FAM222B: variants seen among roughly 807,000 people sequenced by gnomAD.
FAM222B encodes the protein protein FAM222B.
In FAM222B, 12 loss-of-function variants were observed where a neutral mutation model predicts 38.0. The observed-to-expected ratio is 0.32, with a 90% confidence interval of 0.20 to 0.51. The LOEUF is 0.51. FAM222B is among the 20% of genes least tolerant of loss of function. FAM222B has a pLI of 0.97. For synonymous variants in FAM222B, 329 were observed against 317.2 expected (o/e 1.04, Z -0.40); for missense variants, 716 against 754.2 (o/e 0.95, Z 0.59).
intron 1 of FAM222B, among the ~76,000 whole-genome samples, chr17:28,784,489 C>CT: frequency 2.8e-5 from 1 of 35,960 alleles, no homozygotes; most frequent in Non-Finnish European, 5.4e-5. Flanking sequence ...GATCCCCTCT[C>CT]TTAAAAAAAA....
intron 1 of FAM222B, among the ~76,000 whole-genome samples, chr17:28,812,682 C>CA (rs1226539215): frequency 1.3e-5 from 2 of 152,072 alleles, no homozygotes; most frequent in African/African-American, 4.8e-5. Context: ...GCCCCTACCC[C>CA]AAAGCCAGGA....
intron 2 of FAM222B, among the ~76,000 whole-genome samples, 159 bp downstream of exon 2, chr17:28,766,427 A>C (rs1368560532): frequency 6.6e-6 from 1 of 151,958 alleles, no homozygotes; most frequent in Non-Finnish European, 1.5e-5. Flanking sequence ...ATTGCACTCC[A>C]GCCTGGGTGA....
chr17:28,766,768 G>C, intron 1 of FAM222B, 61 bp from the exon 2 acceptor site: 1 of 951,182 alleles, frequency 1.1e-6, no homozygotes, highest in South Asian at 1.4e-5. Context: ...AAGAGAGTAG[G>C]AACACTGGAT....
At chr17:28,831,504 CTTTT>C (rs35692613) in intron 1 of FAM222B, among the ~76,000 whole-genome samples, 3 of 110,856 alleles carry the variant, frequency 2.7e-5, no homozygotes, top group African/African-American at 3.4e-5. Context: ...TTGTCAAAGG[CTTTT>C]TTTTTTTTTT....
intron 1 of FAM222B, among the ~76,000 whole-genome samples, chr17:28,805,156 G>A (rs945165840): frequency 6.6e-6 from 1 of 152,142 alleles, no homozygotes; most frequent in Non-Finnish European, 1.5e-5. Context: ...CCAGGAGTTT[G>A]GGACCAACCT....
chr17:28,789,917 G>A (rs2036587933), intron 1 of FAM222B, among the ~76,000 whole-genome samples: 2 of 152,172 alleles, frequency 1.3e-5, no homozygotes, highest in Admixed American at 6.6e-5. Context: ...CATTGAGTGG[G>A]TACACTGGGT....
chr17:28,778,286 T>C (rs2035987590), intron 1 of FAM222B, among the ~76,000 whole-genome samples: 1 of 151,888 alleles, frequency 6.6e-6, no homozygotes, highest in South Asian at 2.1e-4. Context: ...GTATATGATG[T>C]TCCCCTATGT....
intron 1 of FAM222B, among the ~76,000 whole-genome samples, chr17:28,807,279 G>A (rs1023044645): frequency 6.6e-6 from 1 of 152,216 alleles, no homozygotes; most frequent in African/African-American, 2.4e-5. Flanking sequence ...GCTTCCCAAA[G>A]TCCTGGGATT....
intron 1 of FAM222B, among the ~76,000 whole-genome samples, chr17:28,797,868 C>A (rs1357511772): frequency 6.6e-6 from 1 of 151,578 alleles, no homozygotes; most frequent in African/African-American, 2.4e-5. Context: ...CAAGACCAGT[C>A]TGGACAACAT....
At chr17:28,844,512 G>C (rs1352552424), upstream of FAM222B, among the ~76,000 whole-genome samples, 1 of 151,900 alleles carries the variant, frequency 6.6e-6, no homozygotes, top group Non-Finnish European at 1.5e-5. Flanking sequence ...CAAAAAATTA[G>C]CCGGGCGTGG....
At position 28,759,506 on chromosome 17, in the gene FAM222B, A is replaced by AGCCTGG. The variant is rs1316876656; in HGVS notation, c.447_452dup (p.Gln150_Ala151dup). 6.5e-7 allele frequency: 1 copy of AGCCTGG among 1,542,758 alleles called. No homozygotes were observed. The highest frequency in any genetic ancestry group is 8.7e-7 in the Non-Finnish European group (1 of 1,145,498). On this transcript the variant is annotated inframe_insertion, in exon 3 of 3. Coordinates refer to ENST00000581407, the MANE Select transcript of FAM222B (RefSeq NM_001077498.3). The surrounding 1 kb of genome is among the most constrained non-coding windows in gnomAD (Gnocchi z 4.8). Reference sequence around the variant, plus strand: ...GCTGCAGGGCCTGCTGGCGGGCCAGAGCCTGGGCCTGGGGGTGGGCTAAAG... The same window carrying AGCCTGG: ...GCTGCAGGGCCTGCTGGCGGGCCAGAGCCTGGGCCTGGGCCTGGGGGTGGGCTAAAG...
chr17:28,771,778 G>C (rs1335426770), intron 1 of FAM222B, among the ~76,000 whole-genome samples: 2 of 152,050 alleles, frequency 1.3e-5, no homozygotes, highest in Non-Finnish European at 2.9e-5. Flanking sequence ...TTAAAGGCCA[G>C]GTGCGGTGGC....
At chr17:28,780,796 C>T (rs1251308271) in intron 1 of FAM222B, among the ~76,000 whole-genome samples, 2 of 151,860 alleles carry the variant, frequency 1.3e-5, no homozygotes, top group Admixed American at 6.6e-5. Context: ...GCAGGAGAAT[C>T]GCCTGAACTT....
intron 1 of FAM222B, among the ~76,000 whole-genome samples, chr17:28,833,630 A>G (rs1332578126): frequency 7.3e-5 from 11 of 151,594 alleles, no homozygotes; most frequent in East Asian, 1.9e-4. Context: ...AAAAAAAAAA[A>G]AAGAAGTTCA....
intron 1 of FAM222B, among the ~76,000 whole-genome samples, chr17:28,816,092 A>G (rs1035759467): frequency 1.3e-5 from 2 of 151,910 alleles, no homozygotes; most frequent in Admixed American, 1.3e-4. Flanking sequence ...CCTGGCCAAC[A>G]TGGTGAAACC....
At chr17:28,768,198 C>T (rs367724188) in intron 1 of FAM222B, among the ~76,000 whole-genome samples, 4 of 152,238 alleles carry the variant, frequency 2.6e-5, no homozygotes, top group African/African-American at 9.6e-5. Flanking sequence ...CAAATTATGG[C>T]TTTAGATCAC....
chr17:28,799,483 G>T (rs1173882748), intron 1 of FAM222B, among the ~76,000 whole-genome samples: 1 of 149,816 alleles, frequency 6.7e-6, no homozygotes, highest in East Asian at 2.0e-4. Context: ...TGTTGTTGTT[G>T]TATTTTTAGT....
Position 28,758,309 on chromosome 17 carries a change from C to T in FAM222B, c.1650G>A (p.Glu550=). The change falls in exon 3 of 3, where the codon GAG becomes GAA. Residue 550 remains glutamate (E), a synonymous_variant. Coordinates refer to ENST00000581407, the MANE Select transcript of FAM222B (RefSeq NM_001077498.3). ...GGTGCTGAATATGAAGACTTCGACTCTCTGTGGGATCGGGGGCTCGGTTGC... is the reference window on the plus strand; with the variant it reads ...GGTGCTGAATATGAAGACTTCGACTTTCTGTGGGATCGGGGGCTCGGTTGC... ...APGNRAPDPT[E]SRSLHIQHPG... is the part of the protein sequence containing the mutation. 1 of 1,605,634 alleles carries T rather than the reference C, an allele frequency of 6.2e-7. No individual in the cohort carries two copies. Among genetic ancestry groups the T allele is most frequent in the African/African-American group, 1.3e-5 (1 of 74,740 alleles).
Position 28,767,413 on chromosome 17 carries a change from C to T in FAM222B, c.-40-706G>A, listed in dbSNP as rs539145792. 9.3e-5 allele frequency among the ~76,000 whole-genome samples: 14 copies of T among 150,436 alleles called. No individual in the cohort carries two copies. In the South Asian group the frequency reaches 2.9e-3, roughly 32 times the overall value. Reference sequence around the variant, plus strand: ...CCTCAGTTGATCCGCCCACCTCGGCCTCCCAAAGTGCCGGGATTACAGGTG... The same window carrying T: ...CCTCAGTTGATCCGCCCACCTCGGCTTCCCAAAGTGCCGGGATTACAGGTG... On this transcript the variant is annotated intron_variant, in intron 1 of 2. Coordinates refer to ENST00000581407, the MANE Select transcript of FAM222B (RefSeq NM_001077498.3).
Sources: gnomAD v4.1 joint callset for allele counts (sites outside exome capture counted in the v4.1 genomes callset) on GRCh38, gnomAD v4.1.1 for gene constraint, Gnocchi (gnomAD v3.1) non-coding constraint, MANE v1.5 for transcripts, NCBI Gene and HGNC (gene_info 2026-07-23, HGNC 2026-07-21) for gene names.